Variants in ATP8B4 observed in about 807,000 individuals in gnomAD.
The protein encoded by ATP8B4 is probable phospholipid-transporting ATPase IM.
Under a neutral mutation model 145.6 loss-of-function variants are expected in ATP8B4, and 133 were observed. The observed-to-expected ratio is 0.91, with a 90% CI of 0.79 to 1.05. The LOEUF (loss-of-function observed/expected upper bound fraction) is 1.05, where lower values mean the gene tolerates loss of function less well. Ranked by LOEUF, ATP8B4 falls within the 50% of genes least tolerant of loss-of-function variation. ATP8B4 has a pLI of 0.00. For synonymous variants in ATP8B4, 507 were observed against 492.9 expected (o/e 1.03, Z -0.38); for missense variants, 1,458 against 1,425.2 (o/e 1.02, Z -0.37).
intron 22 of ATP8B4, 25 bp downstream of exon 22, chr15:49,898,043 C>T (rs777802572): frequency 1.9e-6 from 3 of 1,612,244 alleles, no homozygotes; most frequent in Non-Finnish European, 2.5e-6. Context: ...ATGCAGCATA[C>T]CCCATTGAGC....
intron 6 of ATP8B4, among the ~76,000 whole-genome samples, chr15:50,012,190 A>G (rs1314558545): frequency 1.3e-5 from 2 of 152,158 alleles, no homozygotes; most frequent in Non-Finnish European, 2.9e-5. Flanking sequence ...ATTTATCTTT[A>G]CAGGTATGAA....
intron 14 of ATP8B4, 90 bp downstream of exon 14, chr15:49,961,887 G>A: frequency 9.0e-7 from 1 of 1,106,658 alleles, no homozygotes; most frequent in Admixed American, 2.7e-5. Flanking sequence ...TGGTCTTGGT[G>A]GAAATCAGGA....
Position 49,918,860 on chromosome 15 carries a change from C to T in ATP8B4, c.2014G>A (p.Val672Ile), listed in dbSNP as rs1378688812. The T allele has an allele frequency of 6.2e-7, 1 of 1,611,808 alleles. No homozygotes were observed. The highest frequency in any genetic ancestry group is 2.2e-5 in the East Asian group (1 of 44,804). Residue 672 changes from valine to isoleucine, a missense_variant, in exon 19 of 28, where the codon GTC (valine) becomes ATC (isoleucine). Physicochemically the swap from Val to Ile is conservative, Grantham distance 29. Transcript: ENST00000284509. The stretch of plus-strand genomic sequence containing the variant: ...TTACCTTGTTTGTCTCCTGTTAGGA[C>T]CCAGATCTTAATATTGGCTAGTGAT... ...SLSLANIKIWVLTGDKQETAI... is the reference protein window; with the variant it reads ...SLSLANIKIWILTGDKQETAI...
At chr15:50,087,330 T>TCTA (rs1260032403) in intron 2 of ATP8B4, among the ~76,000 whole-genome samples, 6 of 31,486 alleles carry the variant, frequency 1.9e-4, no homozygotes, top group East Asian at 2.4e-3. Flanking sequence ...TAGATCTATA[T>TCTA]TTATATATAA....
intron 1 of ATP8B4, among the ~76,000 whole-genome samples, chr15:50,178,883 G>T (rs1325102493): frequency 5.9e-5 from 9 of 152,150 alleles, no homozygotes; most frequent in Non-Finnish European, 5.9e-5. Flanking sequence ...GGGGGAGGGG[G>T]TTGTTCTTAC....
Position 50,047,140 on chromosome 15 carries a change from C to G in ATP8B4, c.201+211G>C, listed in dbSNP as rs2153608540. Among the ~76,000 whole-genome samples, 3 of 152,226 alleles carry G rather than the reference C, an allele frequency of 2.0e-5. No homozygotes were observed. In the East Asian group the frequency reaches 5.8e-4, roughly 29 times the overall value. ...GTGCAAGGCTGTGTTTTAAAGTGAC[C>G]TCAGTGTTTAAAATGATGAATGTAC... On this transcript the variant is annotated intron_variant, in intron 4 of 27. Transcript: ENST00000284509.
At chr15:49,962,194 A>T (rs1363786617) in intron 13 of ATP8B4, among the ~76,000 whole-genome samples, 174 bp from the exon 14 acceptor site, 1 of 152,230 alleles carries the variant, frequency 6.6e-6, no homozygotes, top group African/African-American at 2.4e-5. Flanking sequence ...TAAACATGGC[A>T]ATTATGCAGT....
At chr15:50,039,178 G>T (rs1017728052) in intron 5 of ATP8B4, among the ~76,000 whole-genome samples, 3 of 152,176 alleles carry the variant, frequency 2.0e-5, no homozygotes, top group Non-Finnish European at 2.9e-5. Context: ...AAGGAATGGG[G>T]CTTCCATTTC....
At chr15:50,025,935 G>T (rs2049975207) in intron 6 of ATP8B4, among the ~76,000 whole-genome samples, 1 of 152,192 alleles carries the variant, frequency 6.6e-6, no homozygotes, top group East Asian at 1.9e-4. Flanking sequence ...AAGAAAGATG[G>T]TGGGAATATG....
chr15:49,892,620 C>G (rs1354181444), intron 23 of ATP8B4, among the ~76,000 whole-genome samples: 1 of 152,152 alleles, frequency 6.6e-6, no homozygotes, highest in Non-Finnish European at 1.5e-5. Flanking sequence ...AGCATCCATT[C>G]CACAATGTCC....
At chr15:49,961,119 C>A (rs1366148502) in intron 14 of ATP8B4, among the ~76,000 whole-genome samples, 1 of 144,764 alleles carries the variant, frequency 6.9e-6, no homozygotes, top group Admixed American at 7.0e-5. Flanking sequence ...GGCGAAAGAG[C>A]AAGACTCCAT....
intron 2 of ATP8B4, among the ~76,000 whole-genome samples, chr15:50,083,673 G>A (rs2054705231): frequency 1.3e-5 from 2 of 152,180 alleles, no homozygotes. Flanking sequence ...TGCACAGGAA[G>A]CTTTCAATTC....
chr15:50,148,876 G>C (rs1315013224), intron 1 of ATP8B4, among the ~76,000 whole-genome samples: 2 of 152,092 alleles, frequency 1.3e-5, no homozygotes, highest in African/African-American at 4.8e-5. Context: ...AAATTCTCTT[G>C]TTTTAAGTGA....
intron 23 of ATP8B4, among the ~76,000 whole-genome samples, chr15:49,881,024 G>A (rs2035311611): frequency 6.6e-6 from 1 of 152,062 alleles, no homozygotes; most frequent in Admixed American, 6.6e-5. Flanking sequence ...AGGCAGGAGA[G>A]TGGCATGAAC....
intron 12 of ATP8B4, among the ~76,000 whole-genome samples, chr15:49,976,205 A>C (rs1383094093): frequency 6.7e-6 from 1 of 150,054 alleles, no homozygotes; most frequent in Non-Finnish European, 1.5e-5. Context: ...CTCTTTGTTT[A>C]TTTATTTATA....
chr15:49,937,135 C>T (rs2041806695), intron 14 of ATP8B4, among the ~76,000 whole-genome samples: 1 of 152,138 alleles, frequency 6.6e-6, no homozygotes, highest in African/African-American at 2.4e-5. Context: ...TTATCTCTCA[C>T]ATTTATCACA....
At chr15:49,919,532 C>G (rs2040060824) in intron 18 of ATP8B4, among the ~76,000 whole-genome samples, 1 of 152,166 alleles carries the variant, frequency 6.6e-6, no homozygotes, top group Non-Finnish European at 1.5e-5. Flanking sequence ...ATTCTCCTGC[C>G]TCAGCCTCCC....
At chr15:49,936,160 T>C (rs1475627118) in intron 14 of ATP8B4, among the ~76,000 whole-genome samples, 1 of 152,156 alleles carries the variant, frequency 6.6e-6, no homozygotes, top group African/African-American at 2.4e-5. Flanking sequence ...GAGGAAAATG[T>C]GCACTTTGTT....
In ATP8B4 at chr15:50,029,250, A is replaced by AAAAAAAC. The variant is rs1244433142; in HGVS notation, c.362+9517_362+9518insGTTTTTT. ...CAAGACTCCATCTTAAAAAAAAAAA[A>AAAAAAAC]AAAAAAACAGAAAAATACAGCAGAA... On this transcript the variant is annotated intron_variant, in intron 6 of 27. Transcript: ENST00000284509. Among the ~76,000 whole-genome samples, 4 of 150,628 alleles carry AAAAAAAC rather than the reference A, an allele frequency of 2.7e-5. No homozygotes were observed. In the East Asian group the frequency reaches 7.7e-4, roughly 29 times the overall value.
Sources: gnomAD v4.1 joint callset for allele counts (sites outside exome capture counted in the v4.1 genomes callset) on GRCh38, gnomAD v4.1.1 for gene constraint, MANE v1.5 for transcripts, NCBI Gene and HGNC (gene_info 2026-07-23, HGNC 2026-07-21) for gene names.